The following SH3BP4 variants were observed in gnomAD, a reference collection of about 807,000 sequenced individuals.
The protein encoded by SH3BP4 is SH3 domain binding protein 4, also known as SH3 domain-binding protein 4.
In SH3BP4, 33 loss-of-function variants were observed where a neutral mutation model predicts 65.5. The ratio of observed to expected loss-of-function variants is 0.50; its 90% CI spans 0.38 to 0.67. The LOEUF is 0.67. SH3BP4 is among the 30% of genes least tolerant of loss of function. SH3BP4 has a pLI of 0.00. For missense variants in SH3BP4, 1,134 were observed against 1,261.4 expected, an observed-to-expected ratio of 0.90 and a Z score of 1.53; for synonymous variants, 552 against 545.5, an observed-to-expected ratio of 1.01 and a Z score of -0.17.
At chr2:234,955,513 C>G (rs944025450) in intron 1 of SH3BP4, among the ~76,000 whole-genome samples, 1 of 152,126 alleles carries the variant, frequency 6.6e-6, no homozygotes, top group Non-Finnish European at 1.5e-5. Flanking sequence ...CTGATCCCAC[C>G]GTGACCTCGC....
At chr2:234,972,166 C>T (rs1331929526) in intron 1 of SH3BP4, among the ~76,000 whole-genome samples, 2 of 138,988 alleles carry the variant, frequency 1.4e-5, no homozygotes, top group African/African-American at 5.5e-5. Flanking sequence ...GTGTCTCAAT[C>T]TGTCGCCCAG....
chr2:234,988,222 G>A (rs1214272095), intron 1 of SH3BP4, among the ~76,000 whole-genome samples: 4 of 152,072 alleles, frequency 2.6e-5, no homozygotes, highest in Admixed American at 6.5e-5. Flanking sequence ...ACCACGCCTG[G>A]CTAATTTTTT....
chr2:235,022,722 C>G (rs1694882298), intron 2 of SH3BP4, among the ~76,000 whole-genome samples: 1 of 152,174 alleles, frequency 6.6e-6, no homozygotes, highest in African/African-American at 2.4e-5. Flanking sequence ...TTGTCACAGT[C>G]TTCCAGGACT....
rs186572131 is a variant in SH3BP4, at chr2:234,988,574, G to A, written c.-206-6729G>A. On this transcript the variant is annotated intron_variant, in intron 1 of 5. Coordinates refer to ENST00000392011, the MANE Select transcript of SH3BP4 (RefSeq NM_014521.3). The stretch of plus-strand genomic sequence containing the variant: ...GTCTTCCGGCCACACAGGTGTAGTG[G>A]GCCCTGTGTCTCATTGTCCTCCCGT... Among the ~76,000 whole-genome samples, 624 of 152,316 alleles carry A rather than the reference G, an allele frequency of 4.1e-3. 1 individual carries two copies. The highest frequency in any genetic ancestry group is 6.9e-3 in the Non-Finnish European group (472 of 68,032).
At chr2:235,025,749 G>A (rs1209327288) in intron 2 of SH3BP4, among the ~76,000 whole-genome samples, 2 of 152,234 alleles carry the variant, frequency 1.3e-5, no homozygotes, top group Non-Finnish European at 2.9e-5. Flanking sequence ...GATGATGACG[G>A]GTGTCCAGGA....
At position 235,000,472 on chromosome 2, in the gene SH3BP4, G is replaced by A. The variant is rs1694062875; in HGVS notation, c.-133+5096G>A. 2.0e-5 allele frequency among the ~76,000 whole-genome samples: 3 copies of A among 152,188 alleles called. No individual in the cohort carries two copies. The South Asian group carries it at 6.2e-4, about 31-fold the overall frequency. ...GATATGAAGGTCAGAGGAGGGATTA[G>A]CATGATCCACTGGCCAGAGTCAATA... On this transcript the variant is annotated intron_variant, in intron 2 of 5. Coordinates refer to ENST00000392011, the MANE Select transcript of SH3BP4 (RefSeq NM_014521.3).
intron 2 of SH3BP4, among the ~76,000 whole-genome samples, chr2:235,003,298 T>G (rs751811398): frequency 1.3e-5 from 2 of 152,156 alleles, no homozygotes; most frequent in Non-Finnish European, 2.9e-5. Flanking sequence ...AGGGCCTAGC[T>G]CTCAAACACC....
Position 234,974,586 on chromosome 2 carries a change from C to A in SH3BP4, c.-206-20717C>A, listed in dbSNP as rs558803681. On this transcript the variant is annotated intron_variant, in intron 1 of 5. Coordinates refer to ENST00000392011, the MANE Select transcript of SH3BP4 (RefSeq NM_014521.3). The surrounding 1 kb of genome is among the most constrained non-coding windows in gnomAD (Gnocchi z 4.6). The stretch of plus-strand genomic sequence containing the variant: ...GCTTCTGTGTTTAGCCCTTCAGTTT[C>A]TTGCCTTAGTGTTAGGCTGGCGCGG... 1.8e-4 allele frequency among the ~76,000 whole-genome samples: 28 copies of A among 152,338 alleles called. No individual in the cohort carries two copies. In the East Asian group the frequency reaches 5.4e-3, roughly 29 times the overall value.
rs1559254822 is a variant in SH3BP4, at chr2:235,038,394, T to TACA, written c.119-2493_119-2492insCAA. 1.3e-4 allele frequency among the ~76,000 whole-genome samples: 7 copies of TACA among 55,696 alleles called. 1 individual carries two copies. Among genetic ancestry groups the TACA allele is most frequent in the African/African-American group, 6.6e-4 (7 of 10,590 alleles). The allele number at this position is 55,696 out of a possible 152,430, so 36.5% of individuals were successfully genotyped here. A position where few individuals can be genotyped will look rare whatever the true frequency, so the allele number is the denominator to read the frequency against. On this transcript the variant is annotated intron_variant, in intron 3 of 5. Transcript: ENST00000392011. The stretch of plus-strand genomic sequence containing the variant: ...ATATATACATATATATATATATATA[T>TACA]ATATATATATATATATATATATGAG...
chr2:235,032,899 A>G (rs1228705538), intron 2 of SH3BP4, among the ~76,000 whole-genome samples: 1 of 152,002 alleles, frequency 6.6e-6, no homozygotes, highest in East Asian at 1.9e-4. Flanking sequence ...AAGCACACAG[A>G]CCTGACCGTC....
Position 235,034,254 on chromosome 2 carries a change from G to A in SH3BP4, c.-132-617G>A, listed in dbSNP as rs1695298424. Among the ~76,000 whole-genome samples, 1 of 152,182 alleles carries A rather than the reference G, an allele frequency of 6.6e-6. No individual in the cohort carries two copies. Among genetic ancestry groups the A allele is most frequent in the Non-Finnish European group, 1.5e-5 (1 of 68,028 alleles). ...TTAGTAACAGTGGTTCAGTAAATAT[G>A]CCCTGGTTTCATCTGCATACGTTGC... On this transcript the variant is annotated intron_variant, in intron 2 of 5. Transcript: ENST00000392011. The surrounding 1 kb of genome is among the most constrained non-coding windows in gnomAD (Gnocchi z 6.2).
At chr2:235,048,441 C>T (rs527846265) in intron 4 of SH3BP4, among the ~76,000 whole-genome samples, 36 of 152,266 alleles carry the variant, frequency 2.4e-4, no homozygotes, top group African/African-American at 7.9e-4. Flanking sequence ...AGCAGTCCTC[C>T]CACCTCAGCC....
chr2:234,998,654 T>G (rs117972083), intron 2 of SH3BP4, among the ~76,000 whole-genome samples: 16 of 152,348 alleles, frequency 1.1e-4, no homozygotes, highest in Admixed American at 8.5e-4. Context: ...CGCCTCTCTC[T>G]CGTTTCAAAA....
rs116680194 is a variant in SH3BP4 at position 234,956,483 on chromosome 2, A to G, written c.-207+4313A>G. 7.3e-3 allele frequency among the ~76,000 whole-genome samples: 1,115 copies of G among 152,272 alleles called. 16 individuals are homozygous for G. The highest frequency in any genetic ancestry group is 0.025 in the African/African-American group (1,035 of 41,540). On this transcript the variant is annotated intron_variant, in intron 1 of 5. Transcript: ENST00000392011. ...CCCAACTCTTCTGTAGAGATTGAGA[A>G]GAATACTTCCTTTGAAAGGATTTTA...
At position 235,042,936 on chromosome 2, in the gene SH3BP4, G is replaced by T. The variant is rs139990771; in HGVS notation, c.2167G>T (p.Gly723Cys). The change falls in exon 4 of 6, where the codon GGC becomes TGC. Residue 723 changes from glycine (G) to cysteine (C), a missense_variant. Physicochemically the swap from Gly to Cys is radical, Grantham distance 159. Transcript: ENST00000392011. This position sits in a 1 kb window ranked among gnomAD's most constrained non-coding sequence, Gnocchi z 7.3. The part of the protein sequence containing the change: ...LVHTKNVLVV[G>C]RARPSLCSGP... ...GCACACCAAGAACGTGCTGGTGGTCGGCAGGGCCCGGCCCAGCCTGTGCTC... is the reference window on the plus strand; with the variant it reads ...GCACACCAAGAACGTGCTGGTGGTCTGCAGGGCCCGGCCCAGCCTGTGCTC... 62 of 1,612,954 alleles carry T rather than the reference G, an allele frequency of 3.8e-5. No homozygotes were observed. The highest frequency in any genetic ancestry group is 5.2e-5 in the Non-Finnish European group (61 of 1,179,836).
chr2:234,963,724 T>A (rs116069246), intron 1 of SH3BP4, among the ~76,000 whole-genome samples: 373 of 152,298 alleles, frequency 2.4e-3, no homozygotes, highest in Non-Finnish European at 4.5e-3. Context: ...GAGTGATGGT[T>A]TTCATGCATT....
intron 2 of SH3BP4, among the ~76,000 whole-genome samples, chr2:235,009,561 C>T (rs1171174548): frequency 6.6e-6 from 1 of 152,040 alleles, no homozygotes; most frequent in African/African-American, 2.4e-5. Flanking sequence ...TCTCTCTCTC[C>T]TTGGCCTCTT....
chr2:235,039,820 G>A (rs1695578950), intron 3 of SH3BP4, among the ~76,000 whole-genome samples: 1 of 152,172 alleles, frequency 6.6e-6, no homozygotes, highest in Non-Finnish European at 1.5e-5. Flanking sequence ...TTGAAGGGTT[G>A]GAATTTTTCA....
At chr2:235,018,293 T>C (rs1269384460) in intron 2 of SH3BP4, among the ~76,000 whole-genome samples, 1 of 152,040 alleles carries the variant, frequency 6.6e-6, no homozygotes, top group East Asian at 1.9e-4. Context: ...GGGGGCTTGG[T>C]AGAGCAATAA....
Sources: allele counts gnomAD v4.1 joint callset (sites outside exome capture counted in the v4.1 genomes callset), GRCh38; gene constraint gnomAD v4.1.1; non-coding constraint Gnocchi (gnomAD v3.1); transcripts MANE v1.5; gene names NCBI Gene and HGNC (gene_info 2026-07-23, HGNC 2026-07-21).